The following PPIB variants were observed in gnomAD, a reference collection of about 807,000 sequenced individuals.
The protein encoded by PPIB is peptidylprolyl isomerase B, also known as peptidyl-prolyl cis-trans isomerase B.
In PPIB, 15 loss-of-function variants were observed where a neutral mutation model predicts 20.1. The ratio of observed to expected loss-of-function variants is 0.75; its 90% CI spans 0.50 to 1.15. PPIB has a LOEUF of 1.15. Among genes scored for constraint, PPIB ranks in the 50% most tolerant of loss-of-function variants. The pLI is 0.00. For synonymous variants in PPIB, 129 were observed against 111.0 expected, an observed-to-expected ratio of 1.16 and a Z score of -1.02; for missense variants, 278 against 283.0, an observed-to-expected ratio of 0.98 and a Z score of 0.13.
At position 64,159,855 on chromosome 15, in the gene PPIB, G is replaced by C. The variant is rs555544507; in HGVS notation, c.343+249C>G. 10 of 586,284 alleles carry C rather than the reference G, an allele frequency of 1.7e-5. No homozygotes were observed. Among genetic ancestry groups the C allele is most frequent in the Non-Finnish European group, 2.7e-5 (9 of 328,152 alleles). The allele number at this position is 586,284 out of a possible 1,614,324, so 36.3% of individuals were successfully genotyped here. On this transcript the variant is annotated intron_variant, in intron 3 of 4. Transcript: ENST00000300026. The surrounding 1 kb of genome is among the most constrained non-coding windows in gnomAD (Gnocchi z 5.1). ...GAAAGGTCACCAGGCTATAGGCCTG[G>C]ATCAGCAGGACGGTCACCTGGGAGA...
At position 64,157,012 on chromosome 15, in the gene PPIB, C is replaced by A; in HGVS notation, c.344-103G>T. 1 of 1,261,134 alleles carries A rather than the reference C, an allele frequency of 7.9e-7. No homozygotes were observed. Among genetic ancestry groups the A allele is most frequent in the South Asian group, 1.3e-5 (1 of 75,510 alleles). The allele number at this position is 1,261,134 out of a possible 1,614,324, so 78.1% of individuals were successfully genotyped here. A position where few individuals can be genotyped will look rare whatever the true frequency, so the allele number is the denominator to read the frequency against. On this transcript the variant is annotated intron_variant, in intron 3 of 4. Coordinates refer to ENST00000300026, the MANE Select transcript of PPIB (RefSeq NM_000942.5). The surrounding 1 kb of genome is among the most constrained non-coding windows in gnomAD (Gnocchi z 4.2). ...GGCTTAACCTGTCCTCTGTGCCAGG[C>A]TAGGCTGGAGTGGACTACAAGGACA...
At position 64,156,101 on chromosome 15, in the gene PPIB, A is replaced by C; in HGVS notation, c.573T>G (p.Asp191Glu). 1 of 1,614,168 alleles carries C rather than the reference A, an allele frequency of 6.2e-7. No individual in the cohort carries two copies. Among genetic ancestry groups the C allele is most frequent in the Non-Finnish European group, 8.5e-7 (1 of 1,180,026 alleles). ...KVESTKTDSR[D>E]KPLKDVIIAD... ...CGATGATCACATCCTTCAGGGGTTT[A>C]TCCCGGCTGTCTGTCTTGGTGCTCT... is the stretch of plus-strand genomic sequence containing the variant. Residue 191 changes from aspartate (D) to glutamate (E), a missense_variant, in exon 5 of 5, where the codon GAT (aspartate) becomes GAG (glutamate). Transcript: ENST00000300026. The surrounding 1 kb of genome is among the most constrained non-coding windows in gnomAD (Gnocchi z 6.4).
Position 64,160,246 on chromosome 15 carries a change from GACATT to G in PPIB, c.250-54_250-50del, listed in dbSNP as rs749391057. 6 of 1,453,638 alleles carry G rather than the reference GACATT, an allele frequency of 4.1e-6. No individual in the cohort carries two copies. Among genetic ancestry groups the G allele is most frequent in the Non-Finnish European group, 5.8e-6 (6 of 1,034,338 alleles). The allele number at this position is 1,453,638 out of a possible 1,614,324, so 90.0% of individuals were successfully genotyped here. A position where few individuals can be genotyped will look rare whatever the true frequency, so the allele number is the denominator to read the frequency against. ...AGGAGGTGGTATGGGGCAGCAGGAA[GACATT>G]ACATTAAATAGGCCTCACAGGAACA... On this transcript the variant is annotated intron_variant, in intron 2 of 4. Coordinates refer to ENST00000300026, the MANE Select transcript of PPIB (RefSeq NM_000942.5). The surrounding 1 kb of genome is among the most constrained non-coding windows in gnomAD (Gnocchi z 4.8).
chr15:64,157,136 CAGA>C lies in PPIB; in HGVS notation c.344-230_344-228del, dbSNP rs546466962. ...CCAGGCTGATGTGGTGAACAGCTCA[CAGA>C]AGGATTACTTTGAGAAGATAGTTTT... On this transcript the variant is annotated intron_variant, in intron 3 of 4. Transcript: ENST00000300026. The surrounding 1 kb of genome is among the most constrained non-coding windows in gnomAD (Gnocchi z 4.2). 2.2e-4 allele frequency: 128 copies of C among 589,932 alleles called. No homozygotes were observed. The East Asian group carries it at 3.3e-3, about 15-fold the overall frequency. 36.5% of individuals were successfully genotyped at this position (589,932 alleles called of 1,614,324 possible).
In PPIB at chr15:64,162,056, G is replaced by C. The variant is rs370932084; in HGVS notation, c.234C>G (p.Ala78=). 1 of 1,613,026 alleles carries C rather than the reference G, an allele frequency of 6.2e-7. No individual in the cohort carries two copies. The highest frequency in any genetic ancestry group is 1.7e-5 in the Admixed American group (1 of 60,018). ...AGCCACTTACCTCTCCTGTAGCTAA[G>C]GCCACAAAATTATCCACTGTTTTTG... ...TVPKTVDNFV[A]LATGEKGFGY... Residue 78 remains alanine, a synonymous_variant, in exon 2 of 5, where the codon GCC becomes GCG. Transcript: ENST00000300026.
rs547542286 is a variant in PPIB, at chr15:64,158,185, C to T, written c.344-1276G>A. Among the ~76,000 whole-genome samples the T allele has an allele frequency of 7.9e-5, 12 of 152,306 alleles. No individual in the cohort carries two copies. The highest frequency in any genetic ancestry group is 6.2e-4 in the South Asian group (3 of 4,830). On this transcript the variant is annotated intron_variant, in intron 3 of 4. Coordinates refer to ENST00000300026, the MANE Select transcript of PPIB (RefSeq NM_000942.5). The surrounding 1 kb of genome is among the most constrained non-coding windows in gnomAD (Gnocchi z 4.7). ...TTCTTTTGACCCCTTTTCCTCTGCA[C>T]GTGGCTCAGGTTGTCCCTACCCACT...
At position 64,161,708 on chromosome 15, in the gene PPIB, A is replaced by G. The variant is rs1231756257; in HGVS notation, c.249+333T>C. On this transcript the variant is annotated intron_variant, in intron 2 of 4. Coordinates refer to ENST00000300026, the MANE Select transcript of PPIB (RefSeq NM_000942.5). This position sits in a 1 kb window ranked among gnomAD's most constrained non-coding sequence, Gnocchi z 4.2. ...CCACTGCACTCCAGCCCAGGCGACA[A>G]GAGTGAAACTCCGTCTCAAAAAAAA... is the stretch of plus-strand genomic sequence containing the variant. Among the ~76,000 whole-genome samples the G allele has an allele frequency of 6.6e-6, 1 of 151,732 alleles. No individual in the cohort carries two copies. The highest frequency in any genetic ancestry group is 1.5e-5 in the Non-Finnish European group (1 of 67,892).
Position 64,159,792 on chromosome 15 carries a change from C to A in PPIB, c.343+312G>T. ...CACATGTCTTCACTTTGCTTCCACA[C>A]GCCTCTCTCCCCAATCCCCATTCTG... On this transcript the variant is annotated intron_variant, in intron 3 of 4. Transcript: ENST00000300026. The surrounding 1 kb of genome is among the most constrained non-coding windows in gnomAD (Gnocchi z 5.1). 2.1e-6 allele frequency: 1 copy of A among 473,570 alleles called. No homozygotes were observed. The highest frequency in any genetic ancestry group is 4.1e-5 in the East Asian group (1 of 24,212). 29.3% of individuals were successfully genotyped at this position (473,570 alleles called of 1,614,324 possible).
chr15:64,162,488 C>T (rs1397698549), intron 1 of PPIB, among the ~76,000 whole-genome samples: 1 of 152,196 alleles, frequency 6.6e-6, no homozygotes, highest in Non-Finnish European at 1.5e-5. Context: ...TTGAAGTATA[C>T]ATACTGTGCT....
chr15:64,159,251 G>C lies in PPIB; in HGVS notation c.343+853C>G, dbSNP rs1321324808. 6.6e-6 allele frequency: 1 copy of C among 152,342 alleles called. No homozygotes were observed. Among genetic ancestry groups the C allele is most frequent in the African/African-American group, 2.4e-5 (1 of 41,428 alleles). The allele number at this position is 152,342 out of a possible 1,614,324, so 9.4% of individuals were successfully genotyped here. ...TCGAGGAGTGAGCTGTGTTCTAAGG[G>C]AGCAGCAGGCTGTACCTGAGCTCAG... On this transcript the variant is annotated intron_variant, in intron 3 of 4. Coordinates refer to ENST00000300026, the MANE Select transcript of PPIB (RefSeq NM_000942.5). The surrounding 1 kb of genome is among the most constrained non-coding windows in gnomAD (Gnocchi z 5.1).
At chr15:64,162,782 GAGCCAAGGCCA>G (rs946544305) in intron 1 of PPIB, 59 bp downstream of exon 1, 6 of 1,568,958 alleles carry the variant, frequency 3.8e-6, no homozygotes, top group African/African-American at 1.4e-5. Flanking sequence ...AGGAGGGGCT[GAGCCAAGGCCA>G]AGCCAAGGCC....
In PPIB at chr15:64,156,080, G is replaced by C; in HGVS notation, c.594C>G (p.Ile198Met). 2 of 1,614,208 alleles carry C rather than the reference G, an allele frequency of 1.2e-6. No individual in the cohort carries two copies. Among genetic ancestry groups the C allele is most frequent in the African/African-American group, 2.7e-5 (2 of 75,046 alleles). ...CCTCGATCTTGCCGCAGTCTGCGAT[G>C]ATCACATCCTTCAGGGGTTTATCCC... ...DSRDKPLKDVIIADCGKIEVE... is the reference protein window; with the variant it reads ...DSRDKPLKDVMIADCGKIEVE... The change falls in exon 5 of 5, where the codon ATC (isoleucine) becomes ATG (methionine). Residue 198 changes from isoleucine (I) to methionine (M), a missense_variant. Physicochemically the swap from Ile to Met is conservative, Grantham distance 10. Coordinates refer to ENST00000300026, the MANE Select transcript of PPIB (RefSeq NM_000942.5). The surrounding 1 kb of genome is among the most constrained non-coding windows in gnomAD (Gnocchi z 6.4).
Position 64,155,921 on chromosome 15 carries a change from C to CGCTCCACCAGATGCCA in PPIB, c.*86_*101dup. On this transcript the variant is annotated 3_prime_UTR_variant, in exon 5 of 5. Coordinates refer to ENST00000300026, the MANE Select transcript of PPIB (RefSeq NM_000942.5). ...CTGTGGAATGTGAGGGGAGTGGGTCCGCTCCACCAGATGCCAGCACCGGGG... is the reference window on the plus strand; with the variant it reads ...CTGTGGAATGTGAGGGGAGTGGGTCCGCTCCACCAGATGCCAGCTCCACCAGATGCCAGCACCGGGG... 6.4e-7 allele frequency: 1 copy of CGCTCCACCAGATGCCA among 1,574,128 alleles called. No individual in the cohort carries two copies. The highest frequency in any genetic ancestry group is 8.7e-7 in the Non-Finnish European group (1 of 1,150,358).
chr15:64,156,901 T>C lies in PPIB; in HGVS notation c.352A>G (p.Ile118Val). The change falls in exon 4 of 5, where the codon ATC (isoleucine) becomes GTC (valine). Residue 118 changes from isoleucine (I) to valine (V), a missense_variant. Transcript: ENST00000300026. This position sits in a 1 kb window ranked among gnomAD's most constrained non-coding sequence, Gnocchi z 6.4. ...TRGDGTGGKS[I>V]YGERFPDENF... ...TCATCGGGGAAGCGCTCACCGTAGATGCTCTTTCCTGGGAAAAAAGACAGA... is the reference window on the plus strand; with the variant it reads ...TCATCGGGGAAGCGCTCACCGTAGACGCTCTTTCCTGGGAAAAAAGACAGA... The C allele has an allele frequency of 6.2e-7, 1 of 1,614,092 alleles. No individual in the cohort carries two copies. The highest frequency in any genetic ancestry group is 1.1e-5 in the South Asian group (1 of 91,076).
rs750682454 is a variant in PPIB at position 64,162,043 on chromosome 15, C to G, written c.247G>C (p.Glu83Gln). 12 of 1,607,390 alleles carry G rather than the reference C, an allele frequency of 7.5e-6. No homozygotes were observed. The Admixed American group carries it at 1.5e-4, about 20-fold the overall frequency. The change falls in exon 2 of 5, where the codon GAG becomes CAG. Residue 83 changes from glutamate (E) to glutamine (Q), a missense_variant and splice_region_variant. By Grantham distance (29) the Glu-to-Gln change is conservative. Transcript: ENST00000300026. ...VDNFVALATG[E>Q]KGFGYKNSKF... ...CTACCCCTGCTCCAGCCACTTACCTCTCCTGTAGCTAAGGCCACAAAATTA... is the reference window on the plus strand; with the variant it reads ...CTACCCCTGCTCCAGCCACTTACCTGTCCTGTAGCTAAGGCCACAAAATTA...
In PPIB at chr15:64,160,090, G is replaced by T; in HGVS notation, c.343+14C>A. 1 of 1,595,642 alleles carries T rather than the reference G, an allele frequency of 6.3e-7. No individual in the cohort carries two copies. The highest frequency in any genetic ancestry group is 2.2e-5 in the East Asian group (1 of 44,790). On this transcript the variant is annotated intron_variant, in intron 3 of 4. Transcript: ENST00000300026. The surrounding 1 kb of genome is among the most constrained non-coding windows in gnomAD (Gnocchi z 4.8). The stretch of plus-strand genomic sequence containing the variant: ...ACACTGACATACTCCTTGGCCCAGA[G>T]GACCTGTGGTTACCTCCTGTGCCAT...
At position 64,156,070 on chromosome 15, in the gene PPIB, A is replaced by G; in HGVS notation, c.604T>C (p.Cys202Arg). 5.6e-6 allele frequency: 9 copies of G among 1,614,174 alleles called. No homozygotes were observed. Among genetic ancestry groups the G allele is most frequent in the Non-Finnish European group, 7.6e-6 (9 of 1,180,036 alleles). Residue 202 changes from cysteine to arginine, a missense_variant, in exon 5 of 5, where the codon TGC (cysteine) becomes CGC (arginine). Transcript: ENST00000300026. This position sits in a 1 kb window ranked among gnomAD's most constrained non-coding sequence, Gnocchi z 6.4. Reference protein sequence around the residue: ...KPLKDVIIADCGKIEVEKPFA... With the variant: ...KPLKDVIIADRGKIEVEKPFA... ...GGCTTCTCCACCTCGATCTTGCCGCAGTCTGCGATGATCACATCCTTCAGG... is the reference window on the plus strand; with the variant it reads ...GGCTTCTCCACCTCGATCTTGCCGCGGTCTGCGATGATCACATCCTTCAGG...
chr15:64,156,769 G>C lies in PPIB; in HGVS notation c.484C>G (p.Leu162Val). The change falls in exon 4 of 5, where the codon CTA (leucine) becomes GTA (valine). Residue 162 changes from leucine to valine, a missense_variant. Transcript: ENST00000300026. The surrounding 1 kb of genome is among the most constrained non-coding windows in gnomAD (Gnocchi z 6.4). ...FFITTVKTAW[L>V]DGKHVVFGKV... ...CCAAACACCACATGCTTGCCATCTAGCCAGGCTGTCTTGACTGTCGTGATG... is the reference window on the plus strand; with the variant it reads ...CCAAACACCACATGCTTGCCATCTACCCAGGCTGTCTTGACTGTCGTGATG... 6.2e-7 allele frequency: 1 copy of C among 1,614,188 alleles called. No individual in the cohort carries two copies. Among genetic ancestry groups the C allele is most frequent in the Non-Finnish European group, 8.5e-7 (1 of 1,180,036 alleles).
chr15:64,158,205 C>G lies in PPIB; in HGVS notation c.344-1296G>C, dbSNP rs575970606. On this transcript the variant is annotated intron_variant, in intron 3 of 4. Coordinates refer to ENST00000300026, the MANE Select transcript of PPIB (RefSeq NM_000942.5). The surrounding 1 kb of genome is among the most constrained non-coding windows in gnomAD (Gnocchi z 4.7). ...CTGCACGTGGCTCAGGTTGTCCCTACCCACTCCCCATGTACTTACTCTTTC... is the reference window on the plus strand; with the variant it reads ...CTGCACGTGGCTCAGGTTGTCCCTAGCCACTCCCCATGTACTTACTCTTTC... 2.0e-5 allele frequency among the ~76,000 whole-genome samples: 3 copies of G among 152,300 alleles called. No individual in the cohort carries two copies. The South Asian group carries it at 6.2e-4, about 32-fold the overall frequency.
Sources: gnomAD v4.1 joint callset for allele counts (sites outside exome capture counted in the v4.1 genomes callset) on GRCh38, gnomAD v4.1.1 for gene constraint, Gnocchi (gnomAD v3.1) non-coding constraint, MANE v1.5 for transcripts, NCBI Gene and HGNC (gene_info 2026-07-23, HGNC 2026-07-21) for gene names.